Variants in ZNF793 observed in about 807,000 individuals in gnomAD.
ZNF793 encodes zinc finger protein 793.
A neutral mutation model predicts 12.4 loss-of-function variants in ZNF793; 5 were observed. That is an observed-to-expected ratio of 0.40 (90% CI 0.21 to 0.84). The LOEUF (loss-of-function observed/expected upper bound fraction) is 0.84. ZNF793 is among the 40% of genes least tolerant of loss of function. The probability of loss-of-function intolerance (pLI) is 0.35; values close to 1 mark genes in which losing one functional copy is unlikely to be tolerated. For synonymous variants in ZNF793, 162 were observed against 172.4 expected (o/e 0.94, Z 0.47); for missense variants, 456 against 495.0 (o/e 0.92, Z 0.75).
intron 5 of ZNF793, among the ~76,000 whole-genome samples, chr19:37,528,756 G>A (rs1387273829): frequency 6.6e-6 from 1 of 152,132 alleles, no homozygotes; most frequent in African/African-American, 2.4e-5. Flanking sequence ...CTGCCAGGCG[G>A]TCAAGACTTC....
chr19:37,507,346 G>C (rs1000489135), intron 1 of ZNF793: 1 of 152,338 alleles, frequency 6.6e-6, no homozygotes, highest in Non-Finnish European at 1.5e-5. Flanking sequence ...GGGTCAGTTG[G>C]GATTTTTCAG....
At chr19:37,512,614 T>G (rs929184087) in intron 2 of ZNF793, among the ~76,000 whole-genome samples, 1 of 152,170 alleles carries the variant, frequency 6.6e-6, no homozygotes, top group Admixed American at 6.5e-5. Context: ...GTGTAGAGAC[T>G]TTCTTTTTCT....
At chr19:37,523,213 G>A (rs1447251675) in intron 4 of ZNF793, among the ~76,000 whole-genome samples, 197 bp from the exon 5 acceptor site, 1 of 151,980 alleles carries the variant, frequency 6.6e-6, no homozygotes, top group East Asian at 1.9e-4. Context: ...TTGTAGAGAC[G>A]GGGCTTTGCC....
At chr19:37,530,149 C>A (rs2042446843) in intron 5 of ZNF793, among the ~76,000 whole-genome samples, 1 of 152,136 alleles carries the variant, frequency 6.6e-6, no homozygotes, top group Admixed American at 6.5e-5. Flanking sequence ...CAATGCCTTA[C>A]AGAGCAGTAT....
At chr19:37,514,651 C>T (rs2042317702) in intron 2 of ZNF793, among the ~76,000 whole-genome samples, 1 of 151,836 alleles carries the variant, frequency 6.6e-6, no homozygotes, top group Non-Finnish European at 1.5e-5. Context: ...ACACCATTAC[C>T]CAACCCTTTT....
chr19:37,528,612 C>T (rs1018880571), intron 5 of ZNF793, among the ~76,000 whole-genome samples: 2 of 152,168 alleles, frequency 1.3e-5, no homozygotes, highest in Non-Finnish European at 2.9e-5. Flanking sequence ...AAGACAGGAT[C>T]ACCAGGACCT....
Position 37,539,871 on chromosome 19 carries a change from A to G in ZNF793, c.*1992A>G, listed in dbSNP as rs1374455152. ...TCATGCTTAGTTCTATCTTTTAAAG[A>G]AAGAGTAATACCAGTGTTATTTATT... On this transcript the variant is annotated 3_prime_UTR_variant, in exon 8 of 8. Transcript: ENST00000627814. The G allele has an allele frequency of 6.6e-6, 1 of 152,242 alleles. No individual in the cohort carries two copies. The highest frequency in any genetic ancestry group is 1.5e-5 in the Non-Finnish European group (1 of 68,044). 9.4% of individuals were successfully genotyped at this position (152,242 alleles called of 1,614,324 possible).
At chr19:37,536,755 C>G in intron 7 of ZNF793, 142 bp from the exon 8 acceptor site, 1 of 844,574 alleles carries the variant, frequency 1.2e-6, no homozygotes, top group Non-Finnish European at 1.8e-6. Context: ...ATCCTCTTTA[C>G]TCATAGAACA....
At chr19:37,527,344 C>T (rs980822298) in intron 5 of ZNF793, among the ~76,000 whole-genome samples, 5 of 152,100 alleles carry the variant, frequency 3.3e-5, no homozygotes, top group Admixed American at 2.6e-4. Flanking sequence ...ATTAAGCCAC[C>T]GCTCCTGGCC....
intron 2 of ZNF793, among the ~76,000 whole-genome samples, chr19:37,515,601 C>T (rs959056071): frequency 2.6e-5 from 4 of 152,202 alleles, no homozygotes; most frequent in African/African-American, 9.7e-5. Flanking sequence ...AGCCACCGCG[C>T]CCAGCCTGAT....
intron 1 of ZNF793, 73 bp from the exon 2 acceptor site, chr19:37,508,192 C>A (rs1298405478): frequency 6.6e-6 from 1 of 152,118 alleles, no homozygotes; most frequent in African/African-American, 2.4e-5. Context: ...TCTAAAGTAA[C>A]ATGTTACTAA....
Position 37,514,392 on chromosome 19 carries a change from C to CA in ZNF793, c.-275-5786dup, listed in dbSNP as rs1305952740. ...GCAATATGGCAAAACCCTATCTCTG[C>CA]AAAAAATACAAAAATTATCTGGGCG... On this transcript the variant is annotated intron_variant, in intron 2 of 7. Transcript: ENST00000627814. 5.3e-5 allele frequency among the ~76,000 whole-genome samples: 8 copies of CA among 152,136 alleles called. No homozygotes were observed. In the East Asian group the frequency reaches 1.5e-3, roughly 29 times the overall value.
chr19:37,523,950 G>A (rs2042393963), intron 5 of ZNF793, among the ~76,000 whole-genome samples: 1 of 151,960 alleles, frequency 6.6e-6, no homozygotes, highest in Admixed American at 6.6e-5. Context: ...AGGAGTTTGA[G>A]ACCAGCCTGG....
Position 37,537,754 on chromosome 19 carries a change from C to T in ZNF793, c.1096C>T (p.Pro366Ser). The change falls in exon 8 of 8, where the codon CCC becomes TCC. Residue 366 changes from proline to serine, a missense_variant. By Grantham distance (74) the Pro-to-Ser change is moderately conservative. Transcript: ENST00000627814. Reference sequence around the variant, plus strand: ...TTGGAGAACTCACACAGGAGAGAAGCCCTATGGGTGCAATGAATGTGGGAA... The same window carrying T: ...TTGGAGAACTCACACAGGAGAGAAGTCCTATGGGTGCAATGAATGTGGGAA... ...KHWRTHTGEKPYGCNECGKAF... is the reference protein window; with the variant it reads ...KHWRTHTGEKSYGCNECGKAF... The T allele has an allele frequency of 1.9e-6, 3 of 1,614,070 alleles. No homozygotes were observed. The highest frequency in any genetic ancestry group is 2.5e-6 in the Non-Finnish European group (3 of 1,180,002).
rs2042542625 is a variant in ZNF793, at chr19:37,540,242, G to A, written c.*2363G>A. 6.9e-6 allele frequency: 1 copy of A among 145,140 alleles called. No individual in the cohort carries two copies. The highest frequency in any genetic ancestry group is 2.2e-4 in the South Asian group (1 of 4,446). 9.0% of individuals were successfully genotyped at this position (145,140 alleles called of 1,614,324 possible). On this transcript the variant is annotated 3_prime_UTR_variant, in exon 8 of 8. Coordinates refer to ENST00000627814, the MANE Select transcript of ZNF793 (RefSeq NM_001013659.3). ...GAGCCAAGATCGTGCCATCCAGCCT[G>A]GGTGACAAGAGCGAAACTCCGTCAA... is the stretch of plus-strand genomic sequence containing the variant.
rs1568330220 is a variant in ZNF793 at position 37,542,614 on chromosome 19, GA to G, written c.*4741del. 1.2e-5 allele frequency: 3 copies of G among 255,780 alleles called. No homozygotes were observed. The East Asian group carries it at 2.7e-4, about 23-fold the overall frequency. The allele number at this position is 255,780 out of a possible 1,614,324, so 15.8% of individuals were successfully genotyped here. ...CCATCAACTGGGAAATTGTAGAAAG[GA>G]AAAAACTATAGTGTATCCATTCCAT... On this transcript the variant is annotated 3_prime_UTR_variant, in exon 8 of 8. Transcript: ENST00000627814.
intron 2 of ZNF793, among the ~76,000 whole-genome samples, chr19:37,516,387 G>A (rs1316149456): frequency 6.6e-6 from 1 of 152,154 alleles, no homozygotes; most frequent in African/African-American, 2.4e-5. Context: ...TACCTGCCCC[G>A]GCCTCCCAAG....
At chr19:37,536,450 T>C (rs984887028) in intron 7 of ZNF793, 1 of 404,568 alleles carries the variant, frequency 2.5e-6, no homozygotes, top group African/African-American at 2.1e-5. Flanking sequence ...TTTAACCTTC[T>C]TTCTTCTGTA....
rs2042561227 is a variant in ZNF793 at position 37,542,960 on chromosome 19, A to G, written c.*5081A>G. Reference sequence around the variant, plus strand: ...AAAAGGAAAACCAAAAAAGAAAAATACATAAATGACTGAATCACGGGTGAT... The same window carrying G: ...AAAAGGAAAACCAAAAAAGAAAAATGCATAAATGACTGAATCACGGGTGAT... On this transcript the variant is annotated 3_prime_UTR_variant, in exon 8 of 8. Coordinates refer to ENST00000627814, the MANE Select transcript of ZNF793 (RefSeq NM_001013659.3). The G allele has an allele frequency of 6.6e-6, 1 of 152,188 alleles. No individual in the cohort carries two copies. Among genetic ancestry groups the G allele is most frequent in the Admixed American group, 6.5e-5 (1 of 15,274 alleles). 9.4% of individuals were successfully genotyped at this position (152,188 alleles called of 1,614,324 possible).
Sources: allele counts gnomAD v4.1 joint callset (sites outside exome capture counted in the v4.1 genomes callset), GRCh38; gene constraint gnomAD v4.1.1; transcripts MANE v1.5; gene names NCBI Gene and HGNC (gene_info 2026-07-23, HGNC 2026-07-21).